SFI1: variants seen among roughly 807,000 people sequenced by gnomAD.
SFI1 encodes protein SFI1 homolog.
In SFI1, 195 loss-of-function variants were observed where a neutral mutation model predicts 207.5. The ratio of observed to expected loss-of-function variants is 0.94; its 90% CI spans 0.84 to 1.06. The LOEUF is 1.06. Ranked by LOEUF, SFI1 falls within the 50% of genes least tolerant of loss-of-function variation. SFI1 has a pLI of 0.00. For missense variants in SFI1, 1,634 were observed against 1,588.0 expected, an observed-to-expected ratio of 1.03 and a Z score of -0.49; for synonymous variants, 630 against 598.9, an observed-to-expected ratio of 1.05 and a Z score of -0.76.
intron 14 of SFI1, among the ~76,000 whole-genome samples, chr22:31,588,851 A>C (rs1217896218): frequency 6.6e-6 from 1 of 151,706 alleles, no homozygotes; most frequent in Non-Finnish European, 1.5e-5. Flanking sequence ...AAACAAAAAC[A>C]TAAAACCTCT....
intron 2 of SFI1, among the ~76,000 whole-genome samples, chr22:31,519,731 C>T (rs945615911): frequency 1.3e-5 from 2 of 151,978 alleles, no homozygotes; most frequent in Non-Finnish European, 2.9e-5. Flanking sequence ...AGCCACTGCA[C>T]CCGGCCTAAT....
chr22:31,552,527 C>G (rs753766703), intron 6 of SFI1, among the ~76,000 whole-genome samples: 1 of 152,196 alleles, frequency 6.6e-6, no homozygotes, highest in Non-Finnish European at 1.5e-5. Flanking sequence ...ACTGAGATTG[C>G]AGGCATGAGC....
At chr22:31,553,673 G>C (rs2060845034) in intron 6 of SFI1, among the ~76,000 whole-genome samples, 1 of 150,420 alleles carries the variant, frequency 6.6e-6, no homozygotes, top group African/African-American at 2.4e-5. Flanking sequence ...AAGCCCAGCT[G>C]GTTTTTTAAA....
rs377403035 is a variant in SFI1 at position 31,561,309 on chromosome 22, A to C, written c.682A>C (p.Arg228=). ...TCACAGGGTGTGGTGGAGCACGTGG[A>C]GGCAGCGACTAGGACAGGTCCGTGT... The part of the protein sequence containing the change: ...IILRVWWSTW[R]QRLGQVRVSR... Residue 228 remains arginine, a synonymous_variant, in exon 8 of 33, where the codon AGG becomes CGG. Coordinates refer to ENST00000400288, the MANE Select transcript of SFI1 (RefSeq NM_001007467.3). The C allele has an allele frequency of 9.3e-6, 15 of 1,614,028 alleles. No homozygotes were observed. The highest frequency in any genetic ancestry group is 1.3e-5 in the Non-Finnish European group (15 of 1,179,942).
intron 5 of SFI1, among the ~76,000 whole-genome samples, chr22:31,548,940 G>A (rs1001569732): frequency 6.6e-6 from 1 of 152,060 alleles, no homozygotes; most frequent in African/African-American, 2.4e-5. Context: ...TGAGCATATT[G>A]TAGTGCAAAC....
At position 31,567,285 on chromosome 22, in the gene SFI1, C is replaced by T. The variant is rs532842859; in HGVS notation, c.766-5773C>T. On this transcript the variant is annotated intron_variant, in intron 8 of 32. Coordinates refer to ENST00000400288, the MANE Select transcript of SFI1 (RefSeq NM_001007467.3). ...AAATTGTCATATTGAGTCATTTCAT[C>T]TTTGAATTTGATATATCTCATAATA... Among the ~76,000 whole-genome samples, 29 of 152,232 alleles carry T rather than the reference C, an allele frequency of 1.9e-4. 1 individual carries two copies. The highest frequency in any genetic ancestry group is 1.7e-3 in the Admixed American group (26 of 15,286).
intron 6 of SFI1, among the ~76,000 whole-genome samples, chr22:31,555,130 C>T (rs1453945806): frequency 7.8e-6 from 1 of 128,070 alleles, no homozygotes; most frequent in African/African-American, 3.4e-5. Flanking sequence ...AATGTACATT[C>T]TGCTGTCTTA....
At chr22:31,529,483 T>C (rs1474396273) in intron 3 of SFI1, among the ~76,000 whole-genome samples, 1 of 152,058 alleles carries the variant, frequency 6.6e-6, no homozygotes, top group African/African-American at 2.4e-5. Flanking sequence ...CTGAAATTGC[T>C]CCACTGCCCT....
At position 31,544,902 on chromosome 22, in the gene SFI1, T is replaced by A. The variant is rs2059926284; in HGVS notation, c.339-1959T>A. ...ATATCTATTTTCCCTCTTTTTAAGT[T>A]TTTTTGATTGTTTAAGAGACAAGGT... On this transcript the variant is annotated intron_variant, in intron 4 of 32. Transcript: ENST00000400288. 2.0e-5 allele frequency among the ~76,000 whole-genome samples: 3 copies of A among 152,260 alleles called. No individual in the cohort carries two copies. In the South Asian group the frequency reaches 6.2e-4, roughly 32 times the overall value.
intron 3 of SFI1, among the ~76,000 whole-genome samples, chr22:31,530,171 CAAAA>C (rs1162482504): frequency 1.7e-4 from 2 of 12,100 alleles, no homozygotes; most frequent in African/African-American, 3.3e-4. Flanking sequence ...GACTCCATCT[CAAAA>C]AAAAAAAAAA....
At chr22:31,616,598 G>A in intron 29 of SFI1, 147 bp from the exon 30 acceptor site, 1 of 815,838 alleles carries the variant, frequency 1.2e-6, no homozygotes, top group Non-Finnish European at 1.9e-6. Context: ...AGCTGGCACG[G>A]CCAGTGCCTG....
Position 31,545,565 on chromosome 22 carries a change from A to AT in SFI1, c.339-1293dup, listed in dbSNP as rs1389426015. Reference sequence around the variant, plus strand: ...GGAGTTTTTAATTTAATTTAATTTAATTTAATTTAATTTAATTTAATTTTA... The same window carrying AT: ...GGAGTTTTTAATTTAATTTAATTTAATTTTAATTTAATTTAATTTAATTTTA... On this transcript the variant is annotated intron_variant, in intron 4 of 32. Coordinates refer to ENST00000400288, the MANE Select transcript of SFI1 (RefSeq NM_001007467.3). 3.0e-3 allele frequency among the ~76,000 whole-genome samples: 421 copies of AT among 141,192 alleles called. 2 individuals carry two copies. The highest frequency in any genetic ancestry group is 7.5e-3 in the East Asian group (36 of 4,774). The allele number at this position is 141,192 out of a possible 152,430, so 92.6% of individuals were successfully genotyped here.
At chr22:31,548,599 C>T (rs970520720) in intron 5 of SFI1, among the ~76,000 whole-genome samples, 10 of 149,936 alleles carry the variant, frequency 6.7e-5, no homozygotes, top group Non-Finnish European at 1.5e-4. Context: ...GTCGAGATCG[C>T]ACCACTGTAC....
chr22:31,523,778 C>T (rs1448721351), intron 2 of SFI1, among the ~76,000 whole-genome samples: 1 of 152,070 alleles, frequency 6.6e-6, no homozygotes, highest in African/African-American at 2.4e-5. Flanking sequence ...AGTGATTTGC[C>T]ATAAACTTCA....
intron 2 of SFI1, among the ~76,000 whole-genome samples, chr22:31,516,940 G>A (rs955998795): frequency 2.0e-5 from 3 of 151,338 alleles, no homozygotes; most frequent in African/African-American, 7.3e-5. Flanking sequence ...GGCAACAAGA[G>A]CGAAACTCAG....
intron 4 of SFI1, among the ~76,000 whole-genome samples, chr22:31,537,933 C>A (rs1418885271): frequency 1.3e-5 from 2 of 151,968 alleles, no homozygotes; most frequent in Non-Finnish European, 2.9e-5. Flanking sequence ...CAGAATAATG[C>A]CTTTATGTGC....
chr22:31,605,073 A>G, intron 20 of SFI1, 128 bp downstream of exon 20: 1 of 770,544 alleles, frequency 1.3e-6, no homozygotes, highest in African/African-American at 1.8e-5. Context: ...CGCTAATATC[A>G]TGGTCTTGGC....
At position 31,508,279 on chromosome 22, in the gene SFI1, T is replaced by G. The variant is rs534439504; in HGVS notation, c.-6T>G. 48 of 1,579,666 alleles carry G rather than the reference T, an allele frequency of 3.0e-5. 1 individual carries two copies. In the South Asian group the frequency reaches 5.1e-4, roughly 17 times the overall value. On this transcript the variant is annotated 5_prime_UTR_variant, in exon 2 of 33. It removes the in-frame stop codon of an upstream open reading frame in the 5' UTR. Coordinates refer to ENST00000400288, the MANE Select transcript of SFI1 (RefSeq NM_001007467.3). ...GTTAGAAGGGGAAGATAAAAGACTT[T>G]GATTCATGAAGAATCTGCTCACTGA...
At chr22:31,503,384 T>C (rs1410110590) in intron 1 of SFI1, among the ~76,000 whole-genome samples, 1 of 152,064 alleles carries the variant, frequency 6.6e-6, no homozygotes, top group Non-Finnish European at 1.5e-5. Context: ...CTCTGAAGTT[T>C]TTCATTTCCT....
Sources: gnomAD v4.1 joint callset for allele counts (sites outside exome capture counted in the v4.1 genomes callset) on GRCh38, gnomAD v4.1.1 for gene constraint, MANE v1.5 for transcripts, NCBI Gene and HGNC (gene_info 2026-07-23, HGNC 2026-07-21) for gene names.